The following FAM227B variants were observed in gnomAD, a reference collection of about 807,000 sequenced individuals.
FAM227B encodes the protein family with sequence similarity 227 member B.
A neutral mutation model predicts 73.8 loss-of-function variants in FAM227B; 88 were observed. The ratio of observed to expected loss-of-function variants is 1.19; its 90% CI spans 1.00 to 1.42. The LOEUF (loss-of-function observed/expected upper bound fraction) is 1.42, where lower values mean the gene tolerates loss of function less well. Among genes scored for constraint, FAM227B ranks in the 40% most tolerant of loss-of-function variants. FAM227B has a pLI of 0.00. For synonymous variants in FAM227B, 210 were observed against 190.5 expected, an observed-to-expected ratio of 1.10 and a Z score of -0.84; for missense variants, 632 against 590.9, an observed-to-expected ratio of 1.07 and a Z score of -0.72.
intron 10 of FAM227B, among the ~76,000 whole-genome samples, chr15:49,534,473 C>A (rs2060858216): frequency 6.6e-6 from 1 of 151,510 alleles, no homozygotes; most frequent in African/African-American, 2.4e-5. Context: ...CTAAATAAAC[C>A]AAAGATTATT....
chr15:49,620,216 T>A (rs2078602369), intron 1 of FAM227B: 1 of 152,250 alleles, frequency 6.6e-6, no homozygotes, highest in African/African-American at 2.4e-5. Context: ...TTCCATTTTT[T>A]ATCTCAGTAG....
At chr15:49,505,300 T>C (rs1285919459) in intron 11 of FAM227B, among the ~76,000 whole-genome samples, 1 of 152,126 alleles carries the variant, frequency 6.6e-6, no homozygotes, top group East Asian at 1.9e-4. Flanking sequence ...TTGAGAGAGA[T>C]AGATGTTTTT....
At chr15:49,377,060 C>G (rs533442859) in intron 11 of FAM227B, among the ~76,000 whole-genome samples, 7 of 152,138 alleles carry the variant, frequency 4.6e-5, no homozygotes, top group South Asian at 4.2e-4. Flanking sequence ...TGGTAACCAT[C>G]CTTCTAGTCT....
At chr15:49,394,874 T>C (rs1423446098) in intron 11 of FAM227B, among the ~76,000 whole-genome samples, 1 of 152,132 alleles carries the variant, frequency 6.6e-6, no homozygotes, top group Non-Finnish European at 1.5e-5. Flanking sequence ...AAAGAATGTA[T>C]AGTCTTGACT....
chr15:49,567,221 T>C (rs2074730107), intron 9 of FAM227B, among the ~76,000 whole-genome samples: 1 of 152,164 alleles, frequency 6.6e-6, no homozygotes, highest in South Asian at 2.1e-4. Flanking sequence ...ATCATTAACT[T>C]TTTGCTGCAA....
intron 11 of FAM227B, among the ~76,000 whole-genome samples, chr15:49,504,067 A>G (rs1400566036): frequency 1.3e-5 from 2 of 152,074 alleles, no homozygotes; most frequent in Non-Finnish European, 1.5e-5. Context: ...AAAATGTGGC[A>G]CATATACACC....
intron 11 of FAM227B, among the ~76,000 whole-genome samples, chr15:49,429,142 A>G (rs555204452): frequency 6.6e-6 from 1 of 152,160 alleles, no homozygotes; most frequent in South Asian, 2.1e-4. Flanking sequence ...AATCAAAAAT[A>G]GCAATGTAAG....
chr15:49,515,953 G>C (rs762574811), intron 10 of FAM227B, among the ~76,000 whole-genome samples: 15 of 152,008 alleles, frequency 9.9e-5, no homozygotes, highest in Non-Finnish European at 2.1e-4. Flanking sequence ...CTGTGTCTTG[G>C]AATGGGGTCT....
chr15:49,390,756 G>A (rs2047162338), intron 11 of FAM227B, among the ~76,000 whole-genome samples: 1 of 151,592 alleles, frequency 6.6e-6, no homozygotes, highest in South Asian at 2.1e-4. Context: ...TGAAAAAATG[G>A]GCATATACAT....
At chr15:49,428,581 G>GAA (rs2050323894) in intron 11 of FAM227B, among the ~76,000 whole-genome samples, 1 of 151,780 alleles carries the variant, frequency 6.6e-6, no homozygotes, top group Non-Finnish European at 1.5e-5. Context: ...TTTAAGCTGA[G>GAA]TATTGAGGTG....
intron 11 of FAM227B, among the ~76,000 whole-genome samples, chr15:49,472,454 A>C (rs1597413964): frequency 6.6e-6 from 1 of 152,240 alleles, no homozygotes; most frequent in Non-Finnish European, 1.5e-5. Flanking sequence ...AGGACACTTC[A>C]GTTAAATCGC....
At chr15:49,336,520 C>T (rs1387978407) in intron 13 of FAM227B, among the ~76,000 whole-genome samples, 1 of 152,236 alleles carries the variant, frequency 6.6e-6, no homozygotes, top group Non-Finnish European at 1.5e-5. Flanking sequence ...TACAGCCCCA[C>T]TCCCATTGTG....
chr15:49,348,605 A>G (rs2041853304), intron 13 of FAM227B, among the ~76,000 whole-genome samples: 1 of 152,164 alleles, frequency 6.6e-6, no homozygotes, highest in African/African-American at 2.4e-5. Flanking sequence ...TTGTGGGGCA[A>G]ATGCATGGTA....
intron 11 of FAM227B, among the ~76,000 whole-genome samples, chr15:49,474,659 G>A (rs1173157185): frequency 2.0e-5 from 3 of 152,152 alleles, no homozygotes; most frequent in Non-Finnish European, 2.9e-5. Context: ...GCTGGGGACC[G>A]GTACTGGTCC....
At chr15:49,435,712 T>C (rs2051041473) in intron 11 of FAM227B, among the ~76,000 whole-genome samples, 1 of 151,542 alleles carries the variant, frequency 6.6e-6, no homozygotes. Flanking sequence ...AGCATAAATC[T>C]ATATCATAGT....
chr15:49,417,356 C>T (rs928692711), intron 11 of FAM227B, among the ~76,000 whole-genome samples: 1 of 152,126 alleles, frequency 6.6e-6, no homozygotes, highest in Non-Finnish European at 1.5e-5. Context: ...CACTGCGCTT[C>T]AGTCTGGGTG....
At chr15:49,555,017 G>A (rs923223565) in intron 9 of FAM227B, among the ~76,000 whole-genome samples, 5 of 152,142 alleles carry the variant, frequency 3.3e-5, no homozygotes, top group Admixed American at 2.6e-4. Flanking sequence ...ATACAGTTGG[G>A]TCTTCTTTAT....
rs547559840 is a variant in FAM227B at position 49,468,111 on chromosome 15, T to G, written c.1012+40100A>C. On this transcript the variant is annotated intron_variant, in intron 11 of 15. Transcript: ENST00000299338. ...GTACTTTCTAAAGATTTTCTAATGT[T>G]TTATTTTCTTAATAAATCCCTGAAT... 6.6e-5 allele frequency among the ~76,000 whole-genome samples: 10 copies of G among 152,308 alleles called. No individual in the cohort carries two copies. The South Asian group carries it at 1.9e-3, about 28-fold the overall frequency.
At chr15:49,612,312 A>G (rs527876303) in intron 2 of FAM227B, among the ~76,000 whole-genome samples, 4 of 152,168 alleles carry the variant, frequency 2.6e-5, no homozygotes, top group African/African-American at 9.6e-5. Flanking sequence ...CTCATTGTTC[A>G]ATTCCCACCT....
Sources: gnomAD v4.1 joint callset for allele counts (sites outside exome capture counted in the v4.1 genomes callset) on GRCh38, gnomAD v4.1.1 for gene constraint, MANE v1.5 for transcripts, NCBI Gene and HGNC (gene_info 2026-07-23, HGNC 2026-07-21) for gene names.